Variants in UNC13B observed in about 807,000 individuals in gnomAD.
UNC13B encodes the protein unc-13 homolog B.
In UNC13B, 144 loss-of-function variants were observed where a neutral mutation model predicts 211.0. That is an observed-to-expected ratio of 0.68 (90% CI 0.60 to 0.78). The LOEUF is 0.78. Ranked by LOEUF, UNC13B falls within the 30% of genes least tolerant of loss-of-function variation. The pLI is 0.00. For synonymous variants in UNC13B, 709 were observed against 725.8 expected, an observed-to-expected ratio of 0.98 and a Z score of 0.37; for missense variants, 1,777 against 2,002.0, an observed-to-expected ratio of 0.89 and a Z score of 2.14.
At chr9:35,202,446 G>C (rs979844701) in intron 1 of UNC13B, among the ~76,000 whole-genome samples, 2 of 152,090 alleles carry the variant, frequency 1.3e-5, no homozygotes, top group Admixed American at 6.5e-5. Context: ...GTTGACAGTG[G>C]GGTGTTAAAG....
At chr9:35,164,645 T>A (rs1400128425) in intron 1 of UNC13B, among the ~76,000 whole-genome samples, 1 of 152,254 alleles carries the variant, frequency 6.6e-6, no homozygotes, top group Non-Finnish European at 1.5e-5. Flanking sequence ...TTCTTGCCTA[T>A]CCTTATGCAG....
In UNC13B at chr9:35,364,204, C is replaced by A. The variant is rs184159373; in HGVS notation, c.9415-2743C>A. ...AGTCTGTTGGAGTGGTCATTGGTAA[C>A]AAATCTGGTCTTGCAACCTTGGCAG... is the stretch of plus-strand genomic sequence containing the variant. On this transcript the variant is annotated intron_variant, in intron 11 of 39. Transcript: ENST00000635942. 5.2e-4 allele frequency among the ~76,000 whole-genome samples: 73 copies of A among 141,526 alleles called. 2 individuals are homozygous for A. The East Asian group carries it at 0.013, about 25-fold the overall frequency. 92.8% of individuals were successfully genotyped at this position (141,526 alleles called of 152,430 possible).
At chr9:35,204,550 C>T (rs573482029) in intron 1 of UNC13B, among the ~76,000 whole-genome samples, 3 of 152,336 alleles carry the variant, frequency 2.0e-5, no homozygotes, top group South Asian at 2.1e-4. Flanking sequence ...GGAGCCCACT[C>T]CTTGCATCAG....
intron 6 of UNC13B, among the ~76,000 whole-genome samples, chr9:35,248,522 T>C (rs1826245014): frequency 6.6e-6 from 1 of 152,202 alleles, no homozygotes; most frequent in African/African-American, 2.4e-5. Context: ...TACACATTGC[T>C]TTGAATGTGT....
intron 11 of UNC13B, among the ~76,000 whole-genome samples, chr9:35,324,086 A>G (rs955365977): frequency 6.6e-6 from 1 of 152,228 alleles, no homozygotes; most frequent in Non-Finnish European, 1.5e-5. Context: ...TTATTGATTA[A>G]GCAACTGAGT....
chr9:35,299,505 C>G (rs1271163540), intron 8 of UNC13B, among the ~76,000 whole-genome samples: 1 of 152,004 alleles, frequency 6.6e-6, no homozygotes, highest in African/African-American at 2.4e-5. Flanking sequence ...CAAATACATT[C>G]TAGATATTGG....
In UNC13B at chr9:35,377,506, C is replaced by A; in HGVS notation, c.9874C>A (p.Arg3292=). 2.5e-6 allele frequency: 4 copies of A among 1,614,208 alleles called. No individual in the cohort carries two copies. Among genetic ancestry groups the A allele is most frequent in the Non-Finnish European group, 3.4e-6 (4 of 1,180,038 alleles). ...EKSCKHGAED[R]TQNIIMAMKD... is the part of the protein sequence containing the mutation. ...GAGCTGTAAACATGGAGCTGAGGAC[C>A]GGACCCAGAACATTATCATGGCCAT... Residue 3292 remains arginine, a synonymous_variant, in exon 16 of 40, where the codon CGG becomes AGG. Coordinates refer to ENST00000635942, the MANE Select transcript of UNC13B (RefSeq NM_001371189.2).
chr9:35,268,916 G>C (rs1394931056), intron 7 of UNC13B, among the ~76,000 whole-genome samples: 1 of 152,128 alleles, frequency 6.6e-6, no homozygotes, highest in South Asian at 2.1e-4. Context: ...CACTGTGGTT[G>C]CAAAATGATG....
intron 3 of UNC13B, among the ~76,000 whole-genome samples, chr9:35,235,696 GT>G (rs1412135462): frequency 6.6e-6 from 1 of 152,096 alleles, no homozygotes; most frequent in Non-Finnish European, 1.5e-5. Flanking sequence ...ACCTCCCAAA[GT>G]GCTGGGATTA....
At chr9:35,195,061 G>T (rs1822861819) in intron 1 of UNC13B, among the ~76,000 whole-genome samples, 1 of 120,018 alleles carries the variant, frequency 8.3e-6, no homozygotes, top group South Asian at 3.3e-4. Context: ...CTCAGGGAAG[G>T]CTGGCCACCC....
At chr9:35,282,917 T>C (rs1290451650) in intron 7 of UNC13B, among the ~76,000 whole-genome samples, 1 of 152,244 alleles carries the variant, frequency 6.6e-6, no homozygotes, top group African/African-American at 2.4e-5. Context: ...CACACTCTTC[T>C]GTCCTTTGTA....
rs1836473181 is a variant in UNC13B, at chr9:35,403,560, G to A, written c.12698G>A (p.Ser4233Asn). ...AGGAAGTTCACAACCAAATCCAAAA[G>A]CAACAACTGGGCCCCCAAGTACAAT... is the stretch of plus-strand genomic sequence containing the variant. The part of the protein sequence containing the change: ...KKRKFTTKSK[S>N]NNWAPKYNET... The change falls in exon 39 of 40, where the codon AGC (serine) becomes AAC (asparagine). Residue 4233 changes from serine (S) to asparagine (N), a missense_variant. Ser to Asn is a conservative substitution (Grantham distance 46). Coordinates refer to ENST00000635942, the MANE Select transcript of UNC13B (RefSeq NM_001371189.2). The A allele has an allele frequency of 1.3e-6, 2 of 1,588,662 alleles. No individual in the cohort carries two copies. Among genetic ancestry groups the A allele is most frequent in the African/African-American group, 2.7e-5 (2 of 73,256 alleles).
chr9:35,280,657 G>A (rs1828432170), intron 7 of UNC13B, among the ~76,000 whole-genome samples: 2 of 152,120 alleles, frequency 1.3e-5, no homozygotes, highest in Non-Finnish European at 2.9e-5. Flanking sequence ...CTAATTATAG[G>A]TGCTGGCAAA....
At position 35,303,678 on chromosome 9, in the gene UNC13B, A is replaced by G. The variant is rs2131834356; in HGVS notation, c.4274A>G (p.Asp1425Gly). ...AATCCAAACAGTGTCATTTGGTGTG[A>G]CTTACCATATGAATCATTCAATCAG... ...RTNPNSVIWC[D>G]LPYESFNQLA... The change falls in exon 9 of 40, where the codon GAC (aspartate) becomes GGC (glycine). Residue 1425 changes from aspartate (D) to glycine (G), a missense_variant. Asp to Gly is a moderately conservative substitution (Grantham distance 94). Coordinates refer to ENST00000635942, the MANE Select transcript of UNC13B (RefSeq NM_001371189.2). 1 of 398,788 alleles carries G rather than the reference A, an allele frequency of 2.5e-6. No individual in the cohort carries two copies. The highest frequency in any genetic ancestry group is 4.4e-6 in the Non-Finnish European group (1 of 225,858). 24.7% of individuals were successfully genotyped at this position (398,788 alleles called of 1,614,324 possible).
At chr9:35,258,219 C>T (rs1827048274) in intron 6 of UNC13B, among the ~76,000 whole-genome samples, 1 of 152,156 alleles carries the variant, frequency 6.6e-6, no homozygotes, top group Admixed American at 6.6e-5. Flanking sequence ...TGCAAGTTGC[C>T]TGGCTGAGTT....
intron 1 of UNC13B, among the ~76,000 whole-genome samples, chr9:35,227,304 A>T (rs1824903914): frequency 6.6e-6 from 1 of 152,228 alleles, no homozygotes; most frequent in East Asian, 1.9e-4. Context: ...TGGCAGACGT[A>T]TACTCTTAAG....
Position 35,301,790 on chromosome 9 carries a change from G to C in UNC13B, c.2386G>C (p.Glu796Gln), listed in dbSNP as rs1481190468. ...ANKEVFSKPL[E>Q]EDKVTGNDDF... The stretch of plus-strand genomic sequence containing the variant: ...TAAAGAGGTATTTTCAAAGCCATTA[G>C]AGGAGGACAAAGTTACAGGTAATGA... The change falls in exon 9 of 40, where the codon GAG becomes CAG. Residue 796 changes from glutamate (E) to glutamine (Q), a missense_variant. Glu to Gln is a conservative substitution (Grantham distance 29). Coordinates refer to ENST00000635942, the MANE Select transcript of UNC13B (RefSeq NM_001371189.2). 1 of 398,750 alleles carries C rather than the reference G, an allele frequency of 2.5e-6. No homozygotes were observed. Among genetic ancestry groups the C allele is most frequent in the East Asian group, 3.6e-5 (1 of 28,082 alleles). The allele number at this position is 398,750 out of a possible 1,614,324, so 24.7% of individuals were successfully genotyped here.
chr9:35,325,642 A>G (rs1359322090), intron 11 of UNC13B, among the ~76,000 whole-genome samples: 1 of 152,230 alleles, frequency 6.6e-6, no homozygotes, highest in Non-Finnish European at 1.5e-5. Flanking sequence ...GGTATTTAAT[A>G]TAGTCACTAG....
At chr9:35,331,343 A>C (rs1233003516) in intron 11 of UNC13B, among the ~76,000 whole-genome samples, 1 of 152,104 alleles carries the variant, frequency 6.6e-6, no homozygotes, top group Non-Finnish European at 1.5e-5. Flanking sequence ...CTGCCTCCAG[A>C]TTCAAGCGAT....
Sources: gnomAD v4.1 joint callset for allele counts (sites outside exome capture counted in the v4.1 genomes callset) on GRCh38, gnomAD v4.1.1 for gene constraint, MANE v1.5 for transcripts, NCBI Gene and HGNC (gene_info 2026-07-23, HGNC 2026-07-21) for gene names.